RALYL: variants seen among roughly 807,000 people sequenced by gnomAD.
RALYL encodes the protein RNA-binding Raly-like protein.
RALYL carries 29 observed loss-of-function variants against 35.1 expected under a neutral mutation model. That is an observed-to-expected ratio of 0.83 (90% CI 0.61 to 1.13). The LOEUF (loss-of-function observed/expected upper bound fraction) is 1.13, where lower values mean the gene tolerates loss of function less well. Among genes scored for constraint, RALYL ranks in the 50% most tolerant of loss-of-function variants. The pLI is 0.00. For missense variants in RALYL, 359 were observed against 360.4 expected (o/e 1.00, Z 0.03); for synonymous variants, 120 against 127.6 (o/e 0.94, Z 0.40).
At chr8:84,650,256 A>G (rs570892071) in intron 2 of RALYL, among the ~76,000 whole-genome samples, 194 of 152,126 alleles carry the variant, frequency 1.3e-3, no homozygotes, top group Non-Finnish European at 1.7e-3. Context: ...CTCTTTTCCT[A>G]ATTGAGTACC....
chr8:84,402,127 T>G (rs2042980326), intron 1 of RALYL, among the ~76,000 whole-genome samples: 1 of 152,200 alleles, frequency 6.6e-6, no homozygotes. Flanking sequence ...GTGAGTTGTG[T>G]AAAAGGGCCA....
intron 1 of RALYL, among the ~76,000 whole-genome samples, chr8:84,408,798 A>G (rs138274373): frequency 6.6e-6 from 1 of 152,192 alleles, no homozygotes; most frequent in South Asian, 2.1e-4. Flanking sequence ...TGCTATATGT[A>G]GAACATACTA....
intron 3 of RALYL, among the ~76,000 whole-genome samples, chr8:84,774,885 A>G (rs1476210711): frequency 6.6e-6 from 1 of 152,170 alleles, no homozygotes; most frequent in Non-Finnish European, 1.5e-5. Context: ...ATACTTATCT[A>G]ATAAAAATCA....
chr8:84,685,697 G>C (rs547108134), intron 2 of RALYL, among the ~76,000 whole-genome samples: 7 of 152,222 alleles, frequency 4.6e-5, no homozygotes, highest in Admixed American at 4.6e-4. Context: ...GATCAAATGG[G>C]CTTGGAGTTC....
At chr8:84,809,160 T>C (rs1206400779) in intron 4 of RALYL, among the ~76,000 whole-genome samples, 1 of 151,698 alleles carries the variant, frequency 6.6e-6, no homozygotes, top group Non-Finnish European at 1.5e-5. Context: ...ATGGCTTTTA[T>C]TACATTGAGG....
chr8:84,428,586 CT>C (rs2132625805), intron 1 of RALYL, among the ~76,000 whole-genome samples: 1 of 152,224 alleles, frequency 6.6e-6, no homozygotes, highest in South Asian at 2.1e-4. Context: ...TTGTCAGTAT[CT>C]TTGTCTCTTG....
chr8:84,216,327 G>T (rs535844307), intron 1 of RALYL, among the ~76,000 whole-genome samples: 1 of 152,166 alleles, frequency 6.6e-6, no homozygotes, highest in African/African-American at 2.4e-5. Context: ...AGATCATGAA[G>T]AAATATAATA....
chr8:84,624,288 A>G (rs1822233131), intron 2 of RALYL, among the ~76,000 whole-genome samples: 1 of 152,206 alleles, frequency 6.6e-6, no homozygotes, highest in African/African-American at 2.4e-5. Flanking sequence ...ACCCAAGTGC[A>G]TTATCATACA....
chr8:84,486,262 A>G (rs1020527579), intron 1 of RALYL, among the ~76,000 whole-genome samples: 1 of 144,838 alleles, frequency 6.9e-6, no homozygotes, highest in Non-Finnish European at 1.5e-5. Context: ...AAATTATTCA[A>G]CTTTTGTCAT....
At chr8:84,191,575 G>T (rs2130874681) in intron 1 of RALYL, among the ~76,000 whole-genome samples, 1 of 152,032 alleles carries the variant, frequency 6.6e-6, no homozygotes, top group South Asian at 2.1e-4. Context: ...GATGAGCCTG[G>T]GACAACTCAC....
intron 2 of RALYL, among the ~76,000 whole-genome samples, chr8:84,739,344 T>G (rs111738975): frequency 4.2e-4 from 64 of 151,592 alleles, no homozygotes; most frequent in African/African-American, 1.5e-3. Flanking sequence ...AAAGAGCTTA[T>G]AGTTTAGTAT....
chr8:84,465,168 GT>G (rs1473234611), intron 1 of RALYL, among the ~76,000 whole-genome samples: 1 of 137,062 alleles, frequency 7.3e-6, no homozygotes, highest in Non-Finnish European at 1.6e-5. Flanking sequence ...TGTCCATTTT[GT>G]CTTTTGTTGC....
intron 4 of RALYL, among the ~76,000 whole-genome samples, chr8:84,820,537 C>T (rs762844576): frequency 2.6e-4 from 40 of 152,094 alleles, no homozygotes; most frequent in Non-Finnish European, 4.6e-4. Context: ...TTTGTTTTGT[C>T]TTGTTTTTTT....
At chr8:84,579,899 C>T (rs375637429) in intron 2 of RALYL, among the ~76,000 whole-genome samples, 9 of 151,924 alleles carry the variant, frequency 5.9e-5, no homozygotes, top group African/African-American at 1.9e-4. Flanking sequence ...TTCTTAGGAA[C>T]CAAAATTAAT....
At chr8:84,197,465 T>C (rs1815607116) in intron 1 of RALYL, among the ~76,000 whole-genome samples, 1 of 152,232 alleles carries the variant, frequency 6.6e-6, no homozygotes, top group Admixed American at 6.5e-5. Context: ...CCTATTTACA[T>C]TTTTGAGATG....
chr8:84,395,221 AT>A (rs1861536283), intron 1 of RALYL, among the ~76,000 whole-genome samples: 1 of 151,846 alleles, frequency 6.6e-6, no homozygotes, highest in South Asian at 2.1e-4. Flanking sequence ...TGTAGTGAAG[AT>A]TTAGGCTTAA....
intron 2 of RALYL, among the ~76,000 whole-genome samples, chr8:84,533,223 A>G (rs2059383923): frequency 6.6e-6 from 1 of 152,106 alleles, no homozygotes; most frequent in African/African-American, 2.4e-5. Flanking sequence ...TTGAATTCTA[A>G]GTTTGTTAAT....
At chr8:84,782,361 A>G (rs1818389226) in intron 3 of RALYL, among the ~76,000 whole-genome samples, 1 of 152,200 alleles carries the variant, frequency 6.6e-6, no homozygotes, top group Non-Finnish European at 1.5e-5. Flanking sequence ...AACCTGTAAC[A>G]GTGACCACTT....
At chr8:84,839,797 A>T (rs1306341115) in intron 4 of RALYL, among the ~76,000 whole-genome samples, 1 of 152,184 alleles carries the variant, frequency 6.6e-6, no homozygotes, top group Non-Finnish European at 1.5e-5. Context: ...AGGCAGCAAC[A>T]TTTGCTGCTC....
Sources: gnomAD v4.1 joint callset for allele counts (sites outside exome capture counted in the v4.1 genomes callset) on GRCh38, gnomAD v4.1.1 for gene constraint, MANE v1.5 for transcripts, NCBI Gene and HGNC (gene_info 2026-07-23, HGNC 2026-07-21) for gene names.